The following TEX11 variants were observed in gnomAD, a reference collection of about 807,000 sequenced individuals.
TEX11 encodes the protein testis expressed 11, also known as testis-expressed protein 11.
A neutral mutation model predicts 84.4 loss-of-function variants in TEX11; 7 were observed. That is an observed-to-expected ratio of 0.08 (90% confidence interval 0.05 to 0.16). The LOEUF is 0.16. TEX11 is among the 10% of genes least tolerant of loss of function. The pLI is 1.00. For synonymous variants in TEX11, 264 were observed against 222.8 expected (o/e 1.18, Z -1.64); for missense variants, 551 against 660.5 (o/e 0.83, Z 1.82).
intron 9 of TEX11, among the ~76,000 whole-genome samples, chrX:70,769,929 C>T (rs1234057228): frequency 9.0e-6 from 1 of 111,561 alleles, no homozygotes; most frequent in South Asian, 3.7e-4. Flanking sequence ...TATGTAAACC[C>T]TTAGCTTTTC....
chrX:70,869,112 T>TAAAATAAAATAAAATAAAAC lies in TEX11; in HGVS notation c.244+4110_244+4111insGTTTTATTTTATTTTATTTT, dbSNP rs57359965. On this transcript the variant is annotated intron_variant, in intron 4 of 29. Coordinates refer to ENST00000374333, the MANE Select transcript of TEX11 (RefSeq NM_031276.3). ...TAAAATAAAATAAAATAAAATAAAA[T>TAAAATAAAATAAAATAAAAC]AAAACAAAATAAAATAAAGAAAAGA... is the stretch of plus-strand genomic sequence containing the variant. Among the ~76,000 whole-genome samples, 232 of 77,882 alleles carry TAAAATAAAATAAAATAAAAC rather than the reference T, an allele frequency of 3.0e-3. 4 individuals are homozygous for TAAAATAAAATAAAATAAAAC. Among genetic ancestry groups the TAAAATAAAATAAAATAAAAC allele is most frequent in the South Asian group, 5.8e-3 (9 of 1,560 alleles). The allele number at this position is 77,882 out of a possible 115,157, so 67.6% of individuals were successfully genotyped here.
intron 7 of TEX11, among the ~76,000 whole-genome samples, chrX:70,847,290 G>T (rs769908451): frequency 9.0e-6 from 1 of 111,359 alleles, no homozygotes; most frequent in Non-Finnish European, 1.9e-5. Flanking sequence ...CCAGCCTCAA[G>T]TATGCCATTA....
intron 17 of TEX11, among the ~76,000 whole-genome samples, chrX:70,645,754 C>T (rs752569438): frequency 9.0e-6 from 1 of 110,917 alleles, no homozygotes; most frequent in Non-Finnish European, 1.9e-5. Context: ...AACTATAAAA[C>T]ACTGATGAAA....
chrX:70,805,768 C>T (rs1281084437), intron 9 of TEX11, among the ~76,000 whole-genome samples: 1 of 111,731 alleles, frequency 9.0e-6, no homozygotes, highest in Non-Finnish European at 1.9e-5. Flanking sequence ...ATACATTTTT[C>T]ACATATATTC....
At chrX:70,801,926 A>C (rs1602140217) in intron 9 of TEX11, among the ~76,000 whole-genome samples, 1 of 111,370 alleles carries the variant, frequency 9.0e-6, no homozygotes, top group East Asian at 2.8e-4. Flanking sequence ...GAATACTATT[A>C]TTTTACAAAC....
intron 9 of TEX11, among the ~76,000 whole-genome samples, chrX:70,748,248 A>G (rs2090782767): frequency 8.9e-6 from 1 of 111,785 alleles, no homozygotes; most frequent in Non-Finnish European, 1.9e-5. Flanking sequence ...ATGAAATTCA[A>G]CAGGATAAGC....
chrX:70,816,053 T>C (rs2091284706), intron 8 of TEX11, among the ~76,000 whole-genome samples: 2 of 111,369 alleles, frequency 1.8e-5, no homozygotes, highest in African/African-American at 6.5e-5. Flanking sequence ...TGCACCCAGT[T>C]TGTAGTCTTT....
chrX:70,565,562 T>C (rs2088455333), intron 25 of TEX11, among the ~76,000 whole-genome samples: 1 of 111,438 alleles, frequency 9.0e-6, no homozygotes, highest in Non-Finnish European at 1.9e-5. Flanking sequence ...CTTTAATCCA[T>C]CGTGAATTGA....
chrX:70,598,505 C>A (rs1362548924), intron 24 of TEX11, among the ~76,000 whole-genome samples: 1 of 111,692 alleles, frequency 9.0e-6, no homozygotes, highest in East Asian at 2.8e-4. Flanking sequence ...AATACCAATC[C>A]TAGGTATATT....
At chrX:70,673,584 A>G (rs2090043270) in intron 15 of TEX11, 1 of 106,644 alleles carries the variant, frequency 9.4e-6, no homozygotes, top group Non-Finnish European at 1.9e-5. Context: ...TTTATAATCT[A>G]TTTAATTTTT....
intron 24 of TEX11, among the ~76,000 whole-genome samples, chrX:70,598,602 T>C (rs1360375098): frequency 8.9e-6 from 1 of 111,997 alleles, no homozygotes; most frequent in Non-Finnish European, 1.9e-5. Flanking sequence ...GAGCTGAAAA[T>C]TGGAAACAAC....
At chrX:70,844,760 G>T (rs2091469185) in intron 7 of TEX11, among the ~76,000 whole-genome samples, 1 of 110,500 alleles carries the variant, frequency 9.0e-6, no homozygotes, top group Admixed American at 9.7e-5. Flanking sequence ...ATCTCTACTA[G>T]AAATACCAAA....
chrX:70,843,398 T>C (rs2091459120), intron 7 of TEX11, among the ~76,000 whole-genome samples: 1 of 111,900 alleles, frequency 8.9e-6, no homozygotes, highest in Admixed American at 9.5e-5. Flanking sequence ...GAAAACTGGC[T>C]AGCCATATGT....
chrX:70,677,939 G>C (rs2090088089), intron 15 of TEX11, among the ~76,000 whole-genome samples: 2 of 104,052 alleles, frequency 1.9e-5, no homozygotes, highest in Admixed American at 1.1e-4. Context: ...TCAGCCTCCT[G>C]AGTAGCGGAC....
At chrX:70,786,990 C>A (rs928768874) in intron 9 of TEX11, among the ~76,000 whole-genome samples, 1 of 110,616 alleles carries the variant, frequency 9.0e-6, no homozygotes, top group African/African-American at 3.3e-5. Context: ...CAAAATTAGC[C>A]AGGCATGGTG....
chrX:70,786,162 C>A (rs962546825), intron 9 of TEX11, among the ~76,000 whole-genome samples: 1 of 111,513 alleles, frequency 9.0e-6, no homozygotes, highest in Non-Finnish European at 1.9e-5. Context: ...AGTTCATGTC[C>A]TTTGTAGGGA....
rs1289018089 is a variant in TEX11 at position 70,873,647 on chromosome X, G to A, written c.160-340C>T. On this transcript the variant is annotated intron_variant, in intron 3 of 29. Coordinates refer to ENST00000374333, the MANE Select transcript of TEX11 (RefSeq NM_031276.3). The stretch of plus-strand genomic sequence containing the variant: ...GCTTTCAGCAACCATTACAGTCTAC[G>A]TTGTTCTTTCTTCTTTGAATTCATA... 2.7e-5 allele frequency among the ~76,000 whole-genome samples: 3 copies of A among 111,726 alleles called. No homozygotes were observed. In the South Asian group the frequency reaches 1.1e-3, roughly 42 times the overall value.
intron 16 of TEX11, among the ~76,000 whole-genome samples, chrX:70,656,268 AT>A (rs34315576): frequency 0.42 from 44,693 of 106,681 alleles, 8,320 homozygotes; most frequent in East Asian, 0.57. Context: ...CAACAAAAAA[AT>A]TTTTTTAAAT....
intron 2 of TEX11, among the ~76,000 whole-genome samples, chrX:70,880,591 A>C (rs1223700142): frequency 9.0e-6 from 1 of 110,531 alleles, no homozygotes; most frequent in Non-Finnish European, 1.9e-5. Context: ...AACCCTGCAA[A>C]ACTGAACTTA....
Sources: allele counts gnomAD v4.1 joint callset (sites outside exome capture counted in the v4.1 genomes callset), GRCh38; gene constraint gnomAD v4.1.1; transcripts MANE v1.5; gene names NCBI Gene and HGNC (gene_info 2026-07-23, HGNC 2026-07-21).